The following CAST variants were observed in gnomAD, a reference collection of about 807,000 sequenced individuals.
The protein encoded by CAST is calpastatin.
In CAST, 76 loss-of-function variants were observed where a neutral mutation model predicts 119.6. The observed-to-expected ratio is 0.64, with a 90% CI of 0.53 to 0.77. The LOEUF (loss-of-function observed/expected upper bound fraction) is 0.77, where lower values mean the gene tolerates loss of function less well. CAST is among the 30% of genes least tolerant of loss of function. The pLI is 0.00. For synonymous variants in CAST, 319 were observed against 331.6 expected, an observed-to-expected ratio of 0.96 and a Z score of 0.41; for missense variants, 953 against 946.5, an observed-to-expected ratio of 1.01 and a Z score of -0.09.
chr5:96,121,026 C>T, the CAST span, among the ~76,000 whole-genome samples: 1 of 152,072 alleles, frequency 6.6e-6, no homozygotes, highest in Non-Finnish European at 1.5e-5. Flanking sequence ...GACTCTCCCA[C>T]TATAGGCATT....
the CAST span, among the ~76,000 whole-genome samples, chr5:96,009,153 T>G: frequency 6.6e-6 from 1 of 152,242 alleles, no homozygotes; most frequent in Non-Finnish European, 1.5e-5. Flanking sequence ...TCATTCTTTT[T>G]ATGGCTGCGT....
At chr5:96,486,726 T>TA in the CAST span, among the ~76,000 whole-genome samples, 1 of 151,976 alleles carries the variant, frequency 6.6e-6, no homozygotes, top group Admixed American at 6.6e-5. Context: ...ATTCTGCCAG[T>TA]AAAAAATGTA....
the CAST span, among the ~76,000 whole-genome samples, chr5:96,360,279 C>T: frequency 6.6e-6 from 1 of 152,004 alleles, no homozygotes; most frequent in South Asian, 2.1e-4. Flanking sequence ...TGGGTTAGAA[C>T]ATGCTCCTTT....
the CAST span, among the ~76,000 whole-genome samples, chr5:96,107,498 G>T: frequency 2.0e-5 from 3 of 151,900 alleles, no homozygotes; most frequent in Non-Finnish European, 4.4e-5. Flanking sequence ...AGTTTGGCTG[G>T]ATATGAAATT....
At chr5:96,529,372 GT>G (rs11397914), upstream of CAST, among the ~76,000 whole-genome samples, 4,268 of 146,374 alleles carry the variant, frequency 0.029, 224 homozygotes, top group African/African-American at 0.096. Context: ...TAATCATTGG[GT>G]TTTTTTTTTT....
the CAST span, among the ~76,000 whole-genome samples, chr5:96,334,111 G>C: frequency 6.6e-6 from 1 of 152,160 alleles, no homozygotes; most frequent in Non-Finnish European, 1.5e-5. Flanking sequence ...TAATACTCAG[G>C]TGCAAGAAAT....
chr5:96,622,136 G>A (rs57652921), intron 1 of CAST, among the ~76,000 whole-genome samples: 4,536 of 151,352 alleles, frequency 0.03, 239 homozygotes, highest in African/African-American at 0.1. Context: ...CACCTGGCTA[G>A]TTTTTGTATT....
At chr5:96,529,752 AC>A (rs1745657468), upstream of CAST, 1 of 428,244 alleles carries the variant, frequency 2.3e-6, no homozygotes, top group Non-Finnish European at 4.6e-6. Flanking sequence ...GTCAGTTCTC[AC>A]GAGATATAAT....
At chr5:96,597,416 T>C (rs1747072306) in intron 1 of CAST, among the ~76,000 whole-genome samples, 1 of 152,248 alleles carries the variant, frequency 6.6e-6, no homozygotes, top group Admixed American at 6.5e-5. Flanking sequence ...CCCTGCTGTC[T>C]GGACGTAATT....
At chr5:96,325,404 TTCTTTCTC>T in the CAST span, among the ~76,000 whole-genome samples, 1 of 151,590 alleles carries the variant, frequency 6.6e-6, no homozygotes, top group African/African-American at 2.4e-5. Flanking sequence ...TTTCTTTTCT[TTCTTTCTC>T]TCTTTCTTTC....
the CAST span, among the ~76,000 whole-genome samples, chr5:96,514,989 G>T: frequency 6.6e-6 from 1 of 152,100 alleles, no homozygotes; most frequent in Admixed American, 6.6e-5. Context: ...GGTCTCAGGT[G>T]ATCTGCCCAC....
At chr5:96,324,319 A>G in the CAST span, among the ~76,000 whole-genome samples, 1 of 152,246 alleles carries the variant, frequency 6.6e-6, no homozygotes, top group Non-Finnish European at 1.5e-5. Context: ...TCTAATATTC[A>G]CAAGAGACTC....
the CAST span, among the ~76,000 whole-genome samples, chr5:96,397,075 TG>T: frequency 1.3e-5 from 2 of 152,236 alleles, no homozygotes; most frequent in African/African-American, 4.8e-5. Context: ...TGGGAACACC[TG>T]GATTTGTCCC....
the CAST span, among the ~76,000 whole-genome samples, chr5:96,341,865 A>G: frequency 1.3e-5 from 2 of 152,210 alleles, no homozygotes; most frequent in African/African-American, 4.8e-5. Flanking sequence ...AGACAGTATG[A>G]TGAGTACAGG....
the CAST span, among the ~76,000 whole-genome samples, chr5:96,182,998 G>T: frequency 6.6e-6 from 1 of 151,964 alleles, no homozygotes; most frequent in Non-Finnish European, 1.5e-5. Flanking sequence ...AATTAGCCGG[G>T]CGTGGTGGCA....
At chr5:96,241,849 G>A in the CAST span, among the ~76,000 whole-genome samples, 5 of 149,428 alleles carry the variant, frequency 3.3e-5, no homozygotes, top group African/African-American at 9.8e-5. Flanking sequence ...TTTTTTGGCT[G>A]CATAAATGTC....
the CAST span, among the ~76,000 whole-genome samples, chr5:96,371,127 A>G: frequency 6.6e-6 from 1 of 152,218 alleles, no homozygotes; most frequent in Non-Finnish European, 1.5e-5. Context: ...TTAGTTTTCC[A>G]TTAGCTCATA....
At chr5:96,060,958 T>C in the CAST span, among the ~76,000 whole-genome samples, 1 of 152,162 alleles carries the variant, frequency 6.6e-6, no homozygotes, top group South Asian at 2.1e-4. Flanking sequence ...TGTTCTCATA[T>C]GGCCTTTTGT....
the CAST span, among the ~76,000 whole-genome samples, chr5:96,435,805 AAGCTATTAAG>A: frequency 1.3e-5 from 2 of 152,228 alleles, no homozygotes; most frequent in Non-Finnish European, 2.9e-5. Flanking sequence ...AGAGTAAAAG[AAGCTATTAAG>A]AGCAGGAAGT....
Sources: gnomAD v4.1 joint callset for allele counts (sites outside exome capture counted in the v4.1 genomes callset) on GRCh38, gnomAD v4.1.1 for gene constraint, MANE v1.5 for transcripts, NCBI Gene and HGNC (gene_info 2026-07-23, HGNC 2026-07-21) for gene names.